Variants in DNAH8 observed in about 807,000 individuals in gnomAD.
The protein encoded by DNAH8 is axonemal beta dynein heavy chain 8.
In DNAH8, 382 loss-of-function variants were observed where a neutral mutation model predicts 562.1. The observed-to-expected ratio is 0.68, with a 90% CI of 0.63 to 0.74. The LOEUF (loss-of-function observed/expected upper bound fraction) is 0.74. DNAH8 is among the 30% of genes least tolerant of loss of function. The pLI is 0.00. For missense variants in DNAH8, 5,203 were observed against 5,620.4 expected, an observed-to-expected ratio of 0.93 and a Z score of 2.37; for synonymous variants, 1,881 against 1,919.4, an observed-to-expected ratio of 0.98 and a Z score of 0.52.
chr6:38,739,446 C>G (rs2127583404), intron 7 of DNAH8, among the ~76,000 whole-genome samples: 1 of 152,072 alleles, frequency 6.6e-6, no homozygotes, highest in East Asian at 1.9e-4. Context: ...GAATATAACA[C>G]AAAAATGAAT....
chr6:38,760,582 T>C (rs1306182826), intron 10 of DNAH8, among the ~76,000 whole-genome samples: 1 of 152,136 alleles, frequency 6.6e-6, no homozygotes, highest in African/African-American at 2.4e-5. Flanking sequence ...AGCTCACTGA[T>C]ATGGTTTGGA....
chr6:38,893,821 G>A (rs377209590), intron 58 of DNAH8, among the ~76,000 whole-genome samples: 73 of 152,272 alleles, frequency 4.8e-4, no homozygotes, highest in Non-Finnish European at 8.4e-4. Context: ...TGAAATAGGC[G>A]TATGGGGTGT....
intron 88 of DNAH8, among the ~76,000 whole-genome samples, chr6:39,000,231 C>A (rs1344675947): frequency 1.3e-5 from 2 of 152,186 alleles, no homozygotes; most frequent in African/African-American, 4.8e-5. Flanking sequence ...ATGGCAAATG[C>A]TGATGAGGTA....
chr6:38,940,223 G>A (rs138383632), intron 79 of DNAH8, among the ~76,000 whole-genome samples: 74 of 152,218 alleles, frequency 4.9e-4, no homozygotes, highest in African/African-American at 1.6e-3. Flanking sequence ...CTAACCTAGC[G>A]TAAAGGCAAT....
At position 38,826,234 on chromosome 6, in the gene DNAH8, A is replaced by C. The variant is rs1391514914; in HGVS notation, c.3926A>C (p.Lys1309Thr). Residue 1309 changes from lysine to threonine, a missense_variant, in exon 29 of 93, where the codon AAA becomes ACA. Physicochemically the swap from Lys to Thr is moderately conservative, Grantham distance 78. Coordinates refer to ENST00000327475, the MANE Select transcript of DNAH8 (RefSeq NM_001206927.2). ...TGTCGATATCTGAATGAAGAATACA[A>C]AAAGAAAATGTCATACATGATAGCA... ...LLCRYLNEEY[K>T]KKMSYMIAFI... 1 of 1,613,822 alleles carries C rather than the reference A, an allele frequency of 6.2e-7. No individual in the cohort carries two copies. Among genetic ancestry groups the C allele is most frequent in the Non-Finnish European group, 8.5e-7 (1 of 1,179,880 alleles).
chr6:38,869,266 T>TA (rs35670248), intron 48 of DNAH8, among the ~76,000 whole-genome samples: 14 of 152,076 alleles, frequency 9.2e-5, no homozygotes, highest in African/African-American at 3.1e-4. Context: ...GTTGCAGGAT[T>TA]CCCCCATAAT....
intron 82 of DNAH8, among the ~76,000 whole-genome samples, chr6:38,958,172 T>TA (rs1401808042): frequency 6.6e-6 from 1 of 151,442 alleles, no homozygotes; most frequent in African/African-American, 2.4e-5. Flanking sequence ...TGACTAATTT[T>TA]TTTTTTGTAT....
chr6:38,929,699 A>C (rs1308082423), intron 75 of DNAH8, 33 bp downstream of exon 75: 3 of 1,470,220 alleles, frequency 2.0e-6, no homozygotes, highest in African/African-American at 1.4e-5. Flanking sequence ...AAAAGAAAGA[A>C]AGAAAGAAAA....
chr6:38,749,521 C>G (rs2127594026), intron 8 of DNAH8, among the ~76,000 whole-genome samples: 1 of 145,582 alleles, frequency 6.9e-6, no homozygotes, highest in Non-Finnish European at 1.5e-5. Context: ...TCACTTATAT[C>G]CTGGAACTTA....
chr6:38,909,198 G>A (rs1780698044), intron 64 of DNAH8, among the ~76,000 whole-genome samples: 1 of 152,142 alleles, frequency 6.6e-6, no homozygotes. Flanking sequence ...TGTTCCTGCA[G>A]CTGTTCTCAC....
chr6:38,720,898 T>G (rs1249615775), intron 1 of DNAH8, among the ~76,000 whole-genome samples: 1 of 151,314 alleles, frequency 6.6e-6, no homozygotes, highest in Non-Finnish European at 1.5e-5. Context: ...AGATTGAGAT[T>G]AAAAAACCCA....
chr6:38,815,520 A>G lies in DNAH8; in HGVS notation c.3386A>G (p.Gln1129Arg). 6.2e-7 allele frequency: 1 copy of G among 1,614,060 alleles called. No homozygotes were observed. Among genetic ancestry groups the G allele is most frequent in the Non-Finnish European group, 8.5e-7 (1 of 1,179,926 alleles). Reference protein sequence around the residue: ...DIQQAINRMIQLTLEVSRGVA... With the variant: ...DIQQAINRMIRLTLEVSRGVA... ...CAACAAGCCATTAACCGTATGATCC[A>G]GTTAACCCTGGAGGTCAGCAGAGGA... Residue 1129 changes from glutamine to arginine, a missense_variant, in exon 26 of 93, where the codon CAG (glutamine) becomes CGG (arginine). Coordinates refer to ENST00000327475, the MANE Select transcript of DNAH8 (RefSeq NM_001206927.2).
chr6:38,786,844 T>C lies in DNAH8; in HGVS notation c.2475T>C (p.Val825=), dbSNP rs1424568867. 1 of 1,613,480 alleles carries C rather than the reference T, an allele frequency of 6.2e-7. No homozygotes were observed. The highest frequency in any genetic ancestry group is 8.5e-7 in the Non-Finnish European group (1 of 1,179,766). The change falls in exon 18 of 93, where the codon GTT becomes GTC. Residue 825 remains valine (V), a synonymous_variant. Transcript: ENST00000327475. ...ATTTCGATCCCAAAATTTTGGAAGT[T>C]GTTCGGGAAACTAAGTGTATGATAA... ...LVNFDPKILE[V]VRETKCMIKM... is the part of the protein sequence containing the mutation.
rs1242225781 is a variant in DNAH8 at position 38,896,051 on chromosome 6, T to G, written c.8766T>G (p.Asp2922Glu). ...CTTTCAGATTTATAACTCCTGAAGA[T>G]GAGCAGTGGTTTAATGCACATCTTA... ...VIADRFITPE[D>E]EQWFNAHLTR... is the part of the protein sequence containing the mutation. The change falls in exon 60 of 93, where the codon GAT (aspartate) becomes GAG (glutamate). Residue 2922 changes from aspartate to glutamate, a missense_variant. Asp to Glu is a conservative substitution (Grantham distance 45, BLOSUM62 2). This residue lies in a region of DNAH8 where 977 missense variants were observed against 1,061.8 expected (regional missense o/e 0.92). Transcript: ENST00000327475. 6.2e-7 allele frequency: 1 copy of G among 1,611,836 alleles called. No individual in the cohort carries two copies. Among genetic ancestry groups the G allele is most frequent in the Non-Finnish European group, 8.5e-7 (1 of 1,179,380 alleles).
intron 16 of DNAH8, 144 bp downstream of exon 16, chr6:38,781,517 T>A (rs181821173): frequency 4.1e-6 from 4 of 969,760 alleles, no homozygotes; most frequent in Non-Finnish European, 6.0e-6. Flanking sequence ...AGTTTATAAA[T>A]ATACTTGAGA....
chr6:38,940,328 T>C (rs1783337512), intron 79 of DNAH8, among the ~76,000 whole-genome samples: 1 of 152,138 alleles, frequency 6.6e-6, no homozygotes, highest in Non-Finnish European at 1.5e-5. Context: ...GAAATGAGTC[T>C]ATGATTTCTG....
chr6:38,877,043 A>G (rs1044465823), intron 53 of DNAH8, among the ~76,000 whole-genome samples: 1 of 152,222 alleles, frequency 6.6e-6, no homozygotes, highest in South Asian at 2.1e-4. Flanking sequence ...CTTTAAATCT[A>G]GATATGCACT....
At chr6:38,957,730 C>T (rs570188161) in intron 82 of DNAH8, among the ~76,000 whole-genome samples, 9 of 151,666 alleles carry the variant, frequency 5.9e-5, no homozygotes, top group African/African-American at 2.2e-4. Flanking sequence ...CCTGAATAAC[C>T]AATGAGTCAA....
At chr6:39,005,883 T>G (rs1765769106) in intron 88 of DNAH8, among the ~76,000 whole-genome samples, 1 of 152,242 alleles carries the variant, frequency 6.6e-6, no homozygotes, top group Non-Finnish European at 1.5e-5. Context: ...GTTTTTGGTT[T>G]TCTACGGTTT....
Sources: allele counts gnomAD v4.1 joint callset (sites outside exome capture counted in the v4.1 genomes callset), GRCh38; gene constraint gnomAD v4.1.1; regional missense constraint gnomAD v4.1.1; transcripts MANE v1.5; gene names NCBI Gene and HGNC (gene_info 2026-07-23, HGNC 2026-07-21).